The following MACROD2 variants were observed in gnomAD, a reference collection of about 807,000 sequenced individuals.
The protein encoded by MACROD2 is mono-ADP ribosylhydrolase 2, also known as ADP-ribose glycohydrolase MACROD2.
MACROD2 carries 36 observed loss-of-function variants against 70.4 expected under a neutral mutation model. That is an observed-to-expected ratio of 0.51 (90% CI 0.39 to 0.68). MACROD2 has a LOEUF of 0.68. MACROD2 is among the 30% of genes least tolerant of loss of function. The probability of loss-of-function intolerance (pLI) is 0.00; values close to 1 mark genes in which losing one functional copy is unlikely to be tolerated. For synonymous variants in MACROD2, 172 were observed against 178.8 expected (o/e 0.96, Z 0.30); for missense variants, 496 against 538.4 (o/e 0.92, Z 0.78).
intron 3 of MACROD2, among the ~76,000 whole-genome samples, chr20:14,352,581 C>A (rs1033829545): frequency 6.6e-6 from 1 of 151,886 alleles, no homozygotes; most frequent in African/African-American, 2.4e-5. Flanking sequence ...ATATATGCAC[C>A]CTTCTAACCT....
chr20:15,644,590 A>C (rs2049512444), intron 8 of MACROD2, among the ~76,000 whole-genome samples: 1 of 152,314 alleles, frequency 6.6e-6, no homozygotes, highest in Admixed American at 6.5e-5. Flanking sequence ...TATTTTTATA[A>C]GAATTAGTTT....
chr20:14,595,423 C>G (rs1307353599), intron 4 of MACROD2, among the ~76,000 whole-genome samples: 2 of 152,210 alleles, frequency 1.3e-5, no homozygotes, highest in African/African-American at 4.8e-5. Flanking sequence ...ACAACGCGAA[C>G]TTCTGTGGCT....
chr20:15,789,432 C>T (rs79761844), intron 8 of MACROD2, among the ~76,000 whole-genome samples: 235 of 152,204 alleles, frequency 1.5e-3, no homozygotes, highest in African/African-American at 5.0e-3. Context: ...AAATAATATT[C>T]AGCCATTTTT....
At chr20:15,653,377 C>G (rs1355633133) in intron 8 of MACROD2, among the ~76,000 whole-genome samples, 1 of 152,126 alleles carries the variant, frequency 6.6e-6, no homozygotes, top group African/African-American at 2.4e-5. Flanking sequence ...GTCAAACGTG[C>G]CATGTCAACA....
chr20:14,111,507 T>TA (rs2054451028), intron 3 of MACROD2, among the ~76,000 whole-genome samples: 1 of 151,820 alleles, frequency 6.6e-6, no homozygotes, highest in African/African-American at 2.4e-5. Context: ...CAAACAACTT[T>TA]ATAGGAAAAA....
At chr20:14,045,366 T>A (rs1025039100) in intron 2 of MACROD2, among the ~76,000 whole-genome samples, 4 of 152,222 alleles carry the variant, frequency 2.6e-5, no homozygotes, top group African/African-American at 9.6e-5. Context: ...GACGTTTTCT[T>A]CTCTTGGGCT....
chr20:15,755,270 AATTCCCCATGGTGC>A (rs1330425928), intron 8 of MACROD2, among the ~76,000 whole-genome samples: 1 of 152,198 alleles, frequency 6.6e-6, no homozygotes, highest in African/African-American at 2.4e-5. Context: ...AAGTCATCAG[AATTCCCCATGGTGC>A]ATTTCAGATG....
rs138190802 is a variant in MACROD2, at chr20:14,754,326, T to C, written c.418+69367T>C. Among the ~76,000 whole-genome samples, 447 of 152,270 alleles carry C rather than the reference T, an allele frequency of 2.9e-3. 2 individuals carry two copies. The highest frequency in any genetic ancestry group is 6.8e-3 in the Middle Eastern group (2 of 294). ...GATCTATCATGTCCTGAGCTTTTTC[T>C]AATTTCTTGGAAGGGAAGCCAAAGT... On this transcript the variant is annotated intron_variant, in intron 5 of 17. Transcript: ENST00000684519.
intron 6 of MACROD2, among the ~76,000 whole-genome samples, chr20:15,279,157 G>A (rs6131656): frequency 0.052 from 7,843 of 152,268 alleles, 334 homozygotes; most frequent in East Asian, 0.16. Context: ...ATTTTCTTCT[G>A]TGTTGTTAAT....
chr20:14,082,289 C>T (rs1386291672), intron 2 of MACROD2, among the ~76,000 whole-genome samples: 1 of 147,598 alleles, frequency 6.8e-6, no homozygotes, highest in African/African-American at 2.5e-5. Flanking sequence ...AGTGATTCTC[C>T]TGCCTCAGCC....
chr20:14,583,069 C>CAT (rs3044723), intron 4 of MACROD2, among the ~76,000 whole-genome samples: 104,053 of 151,814 alleles, frequency 0.69, 36,851 homozygotes, highest in East Asian at 0.93. Context: ...GAACTAAGGA[C>CAT]GTGTGACTGT....
intron 4 of MACROD2, among the ~76,000 whole-genome samples, chr20:14,607,864 A>G (rs886116990): frequency 3.3e-5 from 5 of 152,126 alleles, no homozygotes; most frequent in African/African-American, 9.7e-5. Context: ...AAGAGAAGAA[A>G]AGGAAGGACT....
chr20:16,046,707 G>T (rs2067387498), intron 17 of MACROD2, among the ~76,000 whole-genome samples: 1 of 121,344 alleles, frequency 8.2e-6, no homozygotes, highest in South Asian at 2.7e-4. Context: ...TTGAGACAGA[G>T]TCTCACTCTG....
At chr20:14,024,444 G>C (rs893217533) in intron 2 of MACROD2, among the ~76,000 whole-genome samples, 4 of 152,344 alleles carry the variant, frequency 2.6e-5, no homozygotes, top group Non-Finnish European at 5.9e-5. Flanking sequence ...GGAGTGGTGA[G>C]AGAGGGCATC....
chr20:15,122,079 C>T (rs954429063), intron 5 of MACROD2, among the ~76,000 whole-genome samples: 3 of 152,102 alleles, frequency 2.0e-5, no homozygotes, highest in South Asian at 4.1e-4. Context: ...TTAATGATAG[C>T]TTAAAATTAA....
chr20:15,492,258 G>A (rs1261720887), intron 7 of MACROD2, among the ~76,000 whole-genome samples: 1 of 151,916 alleles, frequency 6.6e-6, no homozygotes, highest in Non-Finnish European at 1.5e-5. Flanking sequence ...TGCTTTTATG[G>A]GTTGGAAGGA....
chr20:15,092,154 CTGGTT>C (rs1255689911), intron 5 of MACROD2, among the ~76,000 whole-genome samples: 3 of 152,010 alleles, frequency 2.0e-5, no homozygotes, highest in African/African-American at 7.2e-5. Context: ...GAAAGCTAAG[CTGGTT>C]TGACCAATTG....
At chr20:15,950,071 A>C (rs1414583563) in intron 12 of MACROD2, among the ~76,000 whole-genome samples, 1 of 152,170 alleles carries the variant, frequency 6.6e-6, no homozygotes, top group Non-Finnish European at 1.5e-5. Context: ...GTAACTCTTT[A>C]GAGTATTTCC....
rs188128999 is a variant in MACROD2 at position 15,102,215 on chromosome 20, C to T, written c.419-127725C>T. ...TAACAGCTCACAAATAAAGGAAAAA[C>T]GTTCGATCTCATTAATGAGCAGGGA... On this transcript the variant is annotated intron_variant, in intron 5 of 17. Transcript: ENST00000684519. 1.6e-4 allele frequency among the ~76,000 whole-genome samples: 25 copies of T among 151,890 alleles called. No individual in the cohort carries two copies. The East Asian group carries it at 2.9e-3, about 18-fold the overall frequency.
Sources: allele counts gnomAD v4.1 joint callset (sites outside exome capture counted in the v4.1 genomes callset), GRCh38; gene constraint gnomAD v4.1.1; transcripts MANE v1.5; gene names NCBI Gene and HGNC (gene_info 2026-07-23, HGNC 2026-07-21).